KLHL1: variants seen among roughly 807,000 people sequenced by gnomAD.
KLHL1 encodes kelch like family member 1.
KLHL1 carries 47 observed loss-of-function variants against 77.7 expected under a neutral mutation model. The observed-to-expected ratio is 0.60, with a 90% CI of 0.48 to 0.77. The LOEUF (loss-of-function observed/expected upper bound fraction) is 0.77, where lower values mean the gene tolerates loss of function less well. Among genes scored for constraint, KLHL1 ranks in the 30% least tolerant of loss-of-function variants. The pLI is 0.00. For synonymous variants in KLHL1, 360 were observed against 325.2 expected, an observed-to-expected ratio of 1.11 and a Z score of -1.15; for missense variants, 925 against 910.8, an observed-to-expected ratio of 1.02 and a Z score of -0.20.
chr13:69,862,699 T>TGTGGGTGAGGCCC (rs72342329), intron 5 of KLHL1, among the ~76,000 whole-genome samples: 3 of 151,788 alleles, frequency 2.0e-5, no homozygotes, highest in Admixed American at 2.0e-4. Flanking sequence ...AAATGAGGTA[T>TGTGGGTGAGGCCC]TAATGCAATA....
At chr13:69,934,326 G>T (rs1170811273) in intron 4 of KLHL1, among the ~76,000 whole-genome samples, 1 of 151,964 alleles carries the variant, frequency 6.6e-6, no homozygotes, top group African/African-American at 2.4e-5. Flanking sequence ...GTGGATGTGA[G>T]TATATATCAC....
intron 1 of KLHL1, among the ~76,000 whole-genome samples, chr13:69,999,500 G>T (rs142763899): frequency 1.6e-4 from 24 of 152,158 alleles, no homozygotes; most frequent in African/African-American, 4.6e-4. Context: ...CTAATTTCAA[G>T]TATAAACTTT....
At position 69,824,663 on chromosome 13, in the gene KLHL1, G is replaced by A. The variant is rs188026528; in HGVS notation, c.1414+14313C>T. Among the ~76,000 whole-genome samples, 398 of 152,196 alleles carry A rather than the reference G, an allele frequency of 2.6e-3. 1 individual carries two copies. The highest frequency in any genetic ancestry group is 6.8e-3 in the Middle Eastern group (2 of 294). ...TTAGATAAAAGACTACAAAATGTGTGATTTCCATTTATGTGAAGTCTACAA... is the reference window on the plus strand; with the variant it reads ...TTAGATAAAAGACTACAAAATGTGTAATTTCCATTTATGTGAAGTCTACAA... On this transcript the variant is annotated intron_variant, in intron 6 of 10. Coordinates refer to ENST00000377844, the MANE Select transcript of KLHL1 (RefSeq NM_020866.3).
Position 69,929,462 on chromosome 13 carries a change from C to G in KLHL1, c.1014+10578G>C, listed in dbSNP as rs556355999. On this transcript the variant is annotated intron_variant, in intron 4 of 10. Transcript: ENST00000377844. Reference sequence around the variant, plus strand: ...TCAGGGTAAAATTAAAAGGGGTAGCCTAGACTTTTGGCCTGTGGTTTAAAG... The same window carrying G: ...TCAGGGTAAAATTAAAAGGGGTAGCGTAGACTTTTGGCCTGTGGTTTAAAG... Among the ~76,000 whole-genome samples the G allele has an allele frequency of 7.2e-5, 11 of 151,774 alleles. No individual in the cohort carries two copies. In the South Asian group the frequency reaches 2.1e-3, roughly 29 times the overall value.
chr13:70,045,338 A>G (rs1021942075), intron 1 of KLHL1, among the ~76,000 whole-genome samples: 1 of 152,078 alleles, frequency 6.6e-6, no homozygotes, highest in African/African-American at 2.4e-5. Flanking sequence ...CAGTTTCTCA[A>G]TTGCAAGCAT....
In KLHL1 at chr13:69,716,065, G is replaced by T. The variant is rs561606745; in HGVS notation, c.2015+3304C>A. On this transcript the variant is annotated intron_variant, in intron 9 of 10. Transcript: ENST00000377844. Reference sequence around the variant, plus strand: ...CAAACAAATTTCTACCAAATTTTATGATATTCTGGGTCATAAAGTAAACCT... The same window carrying T: ...CAAACAAATTTCTACCAAATTTTATTATATTCTGGGTCATAAAGTAAACCT... Among the ~76,000 whole-genome samples the T allele has an allele frequency of 3.9e-5, 6 of 152,140 alleles. No homozygotes were observed. In the South Asian group the frequency reaches 1.2e-3, roughly 32 times the overall value.
intron 1 of KLHL1, among the ~76,000 whole-genome samples, chr13:70,051,664 G>T (rs747229029): frequency 6.6e-6 from 1 of 152,024 alleles, no homozygotes; most frequent in Non-Finnish European, 1.5e-5. Context: ...AGTTTATGGG[G>T]CACATGATAA....
intron 7 of KLHL1, among the ~76,000 whole-genome samples, chr13:69,767,476 G>T (rs9572266): frequency 0.36 from 55,224 of 151,818 alleles, 10,265 homozygotes; most frequent in African/African-American, 0.43. Context: ...GTGGGAGAAT[G>T]GCTTGAGGCC....
At chr13:69,787,279 C>T (rs1053234012) in intron 7 of KLHL1, among the ~76,000 whole-genome samples, 2 of 152,096 alleles carry the variant, frequency 1.3e-5, no homozygotes, top group Non-Finnish European at 2.9e-5. Context: ...GCTACAGTAA[C>T]CAAAAGAGCA....
At chr13:69,977,768 C>T (rs189887544) in intron 1 of KLHL1, among the ~76,000 whole-genome samples, 29 of 152,030 alleles carry the variant, frequency 1.9e-4, no homozygotes, top group African/African-American at 4.8e-5. Context: ...ATAAAAAATT[C>T]GGAGAGCCTT....
intron 7 of KLHL1, among the ~76,000 whole-genome samples, chr13:69,769,825 C>G (rs1050043295): frequency 3.3e-5 from 5 of 152,064 alleles, no homozygotes; most frequent in Admixed American, 3.3e-4. Flanking sequence ...TTCACGTACC[C>G]TCATTCTTCT....
At chr13:70,021,348 C>A (rs191398444) in intron 1 of KLHL1, among the ~76,000 whole-genome samples, 1 of 152,186 alleles carries the variant, frequency 6.6e-6, no homozygotes, top group African/African-American at 2.4e-5. Flanking sequence ...TAGGCCACTT[C>A]TTTATAACAC....
At chr13:69,775,033 ATC>A (rs931960942) in intron 7 of KLHL1, among the ~76,000 whole-genome samples, 14 of 152,176 alleles carry the variant, frequency 9.2e-5, no homozygotes, top group African/African-American at 3.1e-4. Flanking sequence ...TGACAATCTA[ATC>A]TCTATTTCTG....
At chr13:69,861,785 T>TAA (rs34408474) in intron 5 of KLHL1, among the ~76,000 whole-genome samples, 4,319 of 85,864 alleles carry the variant, frequency 0.05, 323 homozygotes, top group African/African-American at 0.17. Context: ...CCGTCTCTAC[T>TAA]AAAAAAAAAA....
chr13:69,933,816 A>G (rs2138286306), intron 4 of KLHL1, among the ~76,000 whole-genome samples: 1 of 145,352 alleles, frequency 6.9e-6, no homozygotes, highest in South Asian at 2.2e-4. Context: ...AATACTTGAG[A>G]AAAAAAAATC....
chr13:69,779,646 A>G (rs1182937230), intron 7 of KLHL1, among the ~76,000 whole-genome samples: 1 of 152,002 alleles, frequency 6.6e-6, no homozygotes, highest in African/African-American at 2.4e-5. Context: ...TTGTAAACAC[A>G]TATGTCTATA....
intron 1 of KLHL1, among the ~76,000 whole-genome samples, chr13:70,097,055 G>T (rs1477163223): frequency 6.6e-6 from 1 of 151,938 alleles, no homozygotes; most frequent in Non-Finnish European, 1.5e-5. Context: ...ACTTAAGTGA[G>T]TTGGAACTTT....
In KLHL1 at chr13:70,069,117, T is replaced by C. The variant is rs559108741; in HGVS notation, c.497+38086A>G. Among the ~76,000 whole-genome samples the C allele has an allele frequency of 3.3e-5, 5 of 152,268 alleles. No homozygotes were observed. In the South Asian group the frequency reaches 1.0e-3, roughly 32 times the overall value. On this transcript the variant is annotated intron_variant, in intron 1 of 10. Transcript: ENST00000377844. ...CTGAAGGAAGTGAAAAATACTCAGC[T>C]CTGGCTCACTAAAAGACGGAGACCT...
Position 69,902,922 on chromosome 13 carries a change from G to A in KLHL1, c.1015-20427C>T, listed in dbSNP as rs1055637170. ...AAGTATAATAAAAAATAAATAAATAGATAATTCAATACCATAGCTTTTCCA... is the reference window on the plus strand; with the variant it reads ...AAGTATAATAAAAAATAAATAAATAAATAATTCAATACCATAGCTTTTCCA... On this transcript the variant is annotated intron_variant, in intron 4 of 10. Transcript: ENST00000377844. 2.0e-5 allele frequency among the ~76,000 whole-genome samples: 3 copies of A among 150,612 alleles called. No individual in the cohort carries two copies. In the South Asian group the frequency reaches 6.3e-4, roughly 32 times the overall value.
Sources: allele counts gnomAD v4.1 joint callset (sites outside exome capture counted in the v4.1 genomes callset), GRCh38; gene constraint gnomAD v4.1.1; transcripts MANE v1.5; gene names NCBI Gene and HGNC (gene_info 2026-07-23, HGNC 2026-07-21).